TTC39C: variants seen among roughly 807,000 people sequenced by gnomAD.
TTC39C encodes tetratricopeptide repeat protein 39C.
Under a neutral mutation model 76.3 loss-of-function variants are expected in TTC39C, and 33 were observed. That is an observed-to-expected ratio of 0.43 (90% confidence interval 0.33 to 0.58). The LOEUF (loss-of-function observed/expected upper bound fraction) is 0.58, where lower values mean the gene tolerates loss of function less well. Among genes scored for constraint, TTC39C ranks in the 20% least tolerant of loss-of-function variants. TTC39C has a pLI of 0.04. For missense variants in TTC39C, 595 were observed against 701.4 expected, an observed-to-expected ratio of 0.85 and a Z score of 1.71; for synonymous variants, 254 against 260.6, an observed-to-expected ratio of 0.97 and a Z score of 0.24.
chr18:24,127,804 C>T (rs901181492), intron 10 of TTC39C, among the ~76,000 whole-genome samples: 2 of 152,232 alleles, frequency 1.3e-5, no homozygotes, highest in Non-Finnish European at 2.9e-5. Flanking sequence ...GCATAAGCCA[C>T]CATGCCCAGC....
intron 1 of TTC39C, chr18:23,994,387 C>G (rs771453489): frequency 2.6e-5 from 4 of 151,624 alleles, no homozygotes; most frequent in Non-Finnish European, 5.9e-5. Context: ...GTGTGAGAGC[C>G]CATCAGTGTG....
At chr18:24,073,064 A>G (rs769933024) in intron 4 of TTC39C, among the ~76,000 whole-genome samples, 3 of 152,178 alleles carry the variant, frequency 2.0e-5, no homozygotes, top group Non-Finnish European at 2.9e-5. Context: ...TACTTGTGCT[A>G]TCACCTTCCA....
At chr18:24,044,052 T>TGTGTGTG (rs2083831839) in intron 1 of TTC39C, among the ~76,000 whole-genome samples, 13 of 147,848 alleles carry the variant, frequency 8.8e-5, no homozygotes, top group African/African-American at 3.3e-4. Context: ...TTGTGTATGT[T>TGTGTGTG]TGTGTGTGTG....
intron 1 of TTC39C, among the ~76,000 whole-genome samples, chr18:24,055,144 C>T (rs542026167): frequency 6.6e-6 from 1 of 152,146 alleles, no homozygotes; most frequent in Non-Finnish European, 1.5e-5. Flanking sequence ...ATTCATCTGT[C>T]TATGGGCACT....
intron 1 of TTC39C, among the ~76,000 whole-genome samples, chr18:24,006,081 T>C (rs1351825112): frequency 4.0e-5 from 6 of 151,662 alleles, no homozygotes; most frequent in Non-Finnish European, 7.4e-5. Flanking sequence ...GGCACGATCA[T>C]GGCTCACTGC....
intron 2 of TTC39C, among the ~76,000 whole-genome samples, chr18:24,064,957 G>A (rs1425086506): frequency 6.6e-6 from 1 of 152,176 alleles, no homozygotes; most frequent in Non-Finnish European, 1.5e-5. Context: ...AATGTTAACG[G>A]CTATTGTTTG....
chr18:24,093,251 G>A (rs1014434972), intron 6 of TTC39C, among the ~76,000 whole-genome samples: 6 of 152,174 alleles, frequency 3.9e-5, no homozygotes, highest in South Asian at 4.2e-4. Flanking sequence ...AGGCCGAGGC[G>A]GGCAGATCAC....
intron 6 of TTC39C, among the ~76,000 whole-genome samples, chr18:24,097,858 T>C (rs906036835): frequency 6.6e-6 from 1 of 152,204 alleles, no homozygotes; most frequent in Non-Finnish European, 1.5e-5. Flanking sequence ...ATAGGGGCTC[T>C]TTTCAAGTTG....
intron 1 of TTC39C, among the ~76,000 whole-genome samples, chr18:24,045,892 AATATATATATATATATATATATATAT>A (rs1212560698): frequency 4.9e-5 from 3 of 61,230 alleles, no homozygotes; most frequent in African/African-American, 8.9e-5. Flanking sequence ...CTTCTGTGAA[AATATATATATATATATATATATATAT>A]ATATATATAT....
At chr18:24,101,146 T>A (rs548461139) in intron 6 of TTC39C, among the ~76,000 whole-genome samples, 1 of 152,308 alleles carries the variant, frequency 6.6e-6, no homozygotes, top group East Asian at 1.9e-4. Context: ...TTTCAAATGT[T>A]ATGATTCTGT....
At chr18:24,010,580 C>G (rs912487202), upstream of TTC39C, among the ~76,000 whole-genome samples, 8 of 152,168 alleles carry the variant, frequency 5.3e-5, no homozygotes, top group African/African-American at 1.9e-4. Context: ...CCCTACTCTC[C>G]TCCTTCTTAG....
At chr18:24,044,222 G>A (rs1212667584) in intron 1 of TTC39C, among the ~76,000 whole-genome samples, 2 of 152,158 alleles carry the variant, frequency 1.3e-5, no homozygotes, top group East Asian at 1.9e-4. Context: ...GATTTGAATC[G>A]GGAGTCTGAA....
At chr18:24,033,043 A>G (rs1231147413) in intron 1 of TTC39C, among the ~76,000 whole-genome samples, 2 of 152,216 alleles carry the variant, frequency 1.3e-5, no homozygotes, top group Non-Finnish European at 2.9e-5. Flanking sequence ...ACTTGAGACC[A>G]GGAGTTTGAG....
At chr18:24,057,506 A>T (rs1218614464) in intron 1 of TTC39C, among the ~76,000 whole-genome samples, 3 of 151,668 alleles carry the variant, frequency 2.0e-5, no homozygotes, top group Admixed American at 2.0e-4. Context: ...CACTGTTCAG[A>T]CTAGAACATT....
At position 24,091,180 on chromosome 18, in the gene TTC39C, A is replaced by C. The variant is rs564957408; in HGVS notation, c.984+8099A>C. ...AAGAATAGTCTTTTCAGCCAGGCAC[A>C]GTAGCTCAATGCCTATAATCCCAGC... On this transcript the variant is annotated intron_variant, in intron 6 of 13. Transcript: ENST00000317571. Among the ~76,000 whole-genome samples the C allele has an allele frequency of 9.8e-5, 15 of 152,364 alleles. 1 individual carries two copies. Among genetic ancestry groups the C allele is most frequent in the Admixed American group, 9.8e-4 (15 of 15,312 alleles).
At chr18:23,994,937 A>G (rs752379856) in intron 1 of TTC39C, among the ~76,000 whole-genome samples, 7 of 151,730 alleles carry the variant, frequency 4.6e-5, no homozygotes, top group Non-Finnish European at 7.4e-5. Context: ...AATCCACAAG[A>G]TTTTCCTAAT....
intron 1 of TTC39C, among the ~76,000 whole-genome samples, chr18:24,024,003 TATA>T (rs2083563069): frequency 2.5e-4 from 4 of 15,772 alleles, no homozygotes; most frequent in African/African-American, 3.6e-4. Context: ...TATATATATA[TATA>T]TATATATATA....
At chr18:24,073,500 T>G (rs1599298714) in intron 4 of TTC39C, among the ~76,000 whole-genome samples, 1 of 151,678 alleles carries the variant, frequency 6.6e-6, no homozygotes, top group Non-Finnish European at 1.5e-5. Flanking sequence ...TCCTCCTTTG[T>G]ACAGCATTCC....
At chr18:24,021,677 T>C (rs555084656) in intron 1 of TTC39C, among the ~76,000 whole-genome samples, 33 of 152,164 alleles carry the variant, frequency 2.2e-4, no homozygotes, top group African/African-American at 7.7e-4. Flanking sequence ...GGCCTTTTCT[T>C]ATGTAAAGAT....
Sources: gnomAD v4.1 joint callset for allele counts (sites outside exome capture counted in the v4.1 genomes callset) on GRCh38, gnomAD v4.1.1 for gene constraint, MANE v1.5 for transcripts, NCBI Gene and HGNC (gene_info 2026-07-23, HGNC 2026-07-21) for gene names.